Variants in PRKD1 observed in about 807,000 individuals in gnomAD.
PRKD1 encodes the protein protein kinase D1.
Under a neutral mutation model 95.9 loss-of-function variants are expected in PRKD1, and 63 were observed. That is an observed-to-expected ratio of 0.66 (90% confidence interval 0.54 to 0.81). PRKD1 has a LOEUF of 0.81. Among genes scored for constraint, PRKD1 ranks in the 30% least tolerant of loss-of-function variants. The probability of loss-of-function intolerance (pLI) is 0.00; values close to 1 mark genes in which losing one functional copy is unlikely to be tolerated. For missense variants in PRKD1, 1,048 were observed against 1,165.3 expected, an observed-to-expected ratio of 0.90 and a Z score of 1.47; for synonymous variants, 425 against 423.1, an observed-to-expected ratio of 1.00 and a Z score of -0.05.
chr14:29,788,098 G>A (rs1036958640), intron 1 of PRKD1, among the ~76,000 whole-genome samples: 1 of 152,136 alleles, frequency 6.6e-6, no homozygotes, highest in African/African-American at 2.4e-5. Flanking sequence ...TTCTTGCAGA[G>A]CTGGTCTAAC....
intron 2 of PRKD1, among the ~76,000 whole-genome samples, chr14:29,693,465 G>T (rs1884347279): frequency 6.6e-6 from 1 of 151,924 alleles, no homozygotes; most frequent in African/African-American, 2.4e-5. Flanking sequence ...CAAAAAAATA[G>T]CAGTGTAAAC....
chr14:29,890,083 T>C (rs1893884949), intron 1 of PRKD1, among the ~76,000 whole-genome samples: 1 of 152,210 alleles, frequency 6.6e-6, no homozygotes, highest in Non-Finnish European at 1.5e-5. Flanking sequence ...AATCCCTAGA[T>C]TATATTATTG....
chr14:29,615,466 GT>G (rs1391442570), intron 13 of PRKD1, among the ~76,000 whole-genome samples: 1 of 152,226 alleles, frequency 6.6e-6, no homozygotes, highest in Non-Finnish European at 1.5e-5. Flanking sequence ...TTTAAAACCT[GT>G]TTATGTTGCT....
At chr14:29,745,717 C>G (rs1887183229) in intron 1 of PRKD1, among the ~76,000 whole-genome samples, 1 of 152,000 alleles carries the variant, frequency 6.6e-6, no homozygotes, top group African/African-American at 2.4e-5. Context: ...CCTCAATGAT[C>G]CTCCTGCCTC....
intron 1 of PRKD1, among the ~76,000 whole-genome samples, chr14:29,809,030 T>A (rs1890369596): frequency 6.6e-6 from 1 of 152,234 alleles, no homozygotes; most frequent in Non-Finnish European, 1.5e-5. Context: ...GGCTGCAGAA[T>A]GGAGTTCCAT....
intron 1 of PRKD1, among the ~76,000 whole-genome samples, chr14:29,791,035 G>A (rs952817918): frequency 4.6e-5 from 7 of 152,038 alleles, no homozygotes; most frequent in Non-Finnish European, 1.0e-4. Context: ...TCACATGTGT[G>A]GAAAACCAGG....
At position 29,793,281 on chromosome 14, in the gene PRKD1, C is replaced by CA. The variant is rs1020997695; in HGVS notation, c.265-67608dup. ...ATAGTAGTCATCTTTAAGCTGTTGA[C>CA]AAAAAAAAAATGTCCACAGGAAAAA... On this transcript the variant is annotated intron_variant, in intron 1 of 17. Transcript: ENST00000331968. 5.5e-3 allele frequency among the ~76,000 whole-genome samples: 797 copies of CA among 144,176 alleles called. 7 individuals are homozygous for CA. Among genetic ancestry groups the CA allele is most frequent in the African/African-American group, 0.018 (716 of 39,358 alleles). The allele number at this position is 144,176 out of a possible 152,430, so 94.6% of individuals were successfully genotyped here.
chr14:29,657,384 T>C (rs1386456854), intron 4 of PRKD1: 1 of 152,246 alleles, frequency 6.6e-6, no homozygotes, highest in Admixed American at 6.5e-5. Context: ...AATGCATGAC[T>C]GAGCTTTGAA....
At chr14:29,906,121 C>T (rs1195005098) in intron 1 of PRKD1, among the ~76,000 whole-genome samples, 1 of 151,788 alleles carries the variant, frequency 6.6e-6, no homozygotes, top group Non-Finnish European at 1.5e-5. Flanking sequence ...AGACAATAAA[C>T]ACACACACAT....
At chr14:29,599,333 A>C (rs932891180) in intron 14 of PRKD1, among the ~76,000 whole-genome samples, 4 of 152,224 alleles carry the variant, frequency 2.6e-5, no homozygotes, top group African/African-American at 9.6e-5. Context: ...CGGCCAAGAC[A>C]GATGTAGATA....
chr14:29,776,807 A>C (rs1475299479), intron 1 of PRKD1, among the ~76,000 whole-genome samples: 1 of 152,088 alleles, frequency 6.6e-6, no homozygotes, highest in Non-Finnish European at 1.5e-5. Context: ...CACAAAGACA[A>C]TCCTCGAGAA....
intron 4 of PRKD1, among the ~76,000 whole-genome samples, chr14:29,640,437 T>C (rs923839166): frequency 2.0e-5 from 3 of 151,924 alleles, no homozygotes; most frequent in African/African-American, 7.3e-5. Flanking sequence ...AAACTTAAAA[T>C]GAAGTTCTAC....
chr14:29,807,803 C>A (rs1303576123), intron 1 of PRKD1, among the ~76,000 whole-genome samples: 1 of 151,778 alleles, frequency 6.6e-6, no homozygotes, highest in Admixed American at 6.6e-5. Context: ...CTCACTGAAA[C>A]CTCCACCTCC....
intron 1 of PRKD1, among the ~76,000 whole-genome samples, chr14:29,766,008 T>G (rs1409209490): frequency 6.6e-6 from 1 of 152,122 alleles, no homozygotes; most frequent in Non-Finnish European, 1.5e-5. Flanking sequence ...CTTTGTAGAC[T>G]TTCCTGGGTA....
At chr14:29,666,561 T>C (rs1260375357) in intron 2 of PRKD1, among the ~76,000 whole-genome samples, 1 of 152,082 alleles carries the variant, frequency 6.6e-6, no homozygotes, top group Non-Finnish European at 1.5e-5. Context: ...CTTACTTAAA[T>C]GAGTGAGAAA....
intron 1 of PRKD1, among the ~76,000 whole-genome samples, chr14:29,767,500 G>A (rs1323871621): frequency 6.6e-6 from 1 of 152,134 alleles, no homozygotes; most frequent in Non-Finnish European, 1.5e-5. Flanking sequence ...ATATACATCT[G>A]AATAGGGTCC....
intron 2 of PRKD1, among the ~76,000 whole-genome samples, chr14:29,703,924 TTC>T (rs1444494979): frequency 6.6e-6 from 1 of 152,214 alleles, no homozygotes; most frequent in Non-Finnish European, 1.5e-5. Flanking sequence ...GTTGTTTGTA[TTC>T]TGAAGTAAAA....
At chr14:29,861,593 A>T (rs2139359856) in intron 1 of PRKD1, among the ~76,000 whole-genome samples, 1 of 152,224 alleles carries the variant, frequency 6.6e-6, no homozygotes, top group South Asian at 2.1e-4. Context: ...ATGTATAATT[A>T]TTATTGACTA....
intron 10 of PRKD1, 112 bp downstream of exon 10, chr14:29,630,630 C>T (rs1879935330): frequency 3.7e-6 from 5 of 1,367,008 alleles, no homozygotes; most frequent in Non-Finnish European, 5.1e-6. Context: ...ACTAAGTCAT[C>T]CCCAAGAAGT....
Sources: gnomAD v4.1 joint callset for allele counts (sites outside exome capture counted in the v4.1 genomes callset) on GRCh38, gnomAD v4.1.1 for gene constraint, MANE v1.5 for transcripts, NCBI Gene and HGNC (gene_info 2026-07-23, HGNC 2026-07-21) for gene names.